Variants in DYNC2H1 observed in about 807,000 individuals in gnomAD.
DYNC2H1 encodes the protein cytoplasmic dynein 2 heavy chain 1.
A neutral mutation model predicts 570.0 loss-of-function variants in DYNC2H1; 410 were observed. The ratio of observed to expected loss-of-function variants is 0.72; its 90% CI spans 0.66 to 0.78. DYNC2H1 has a LOEUF of 0.78. Ranked by LOEUF, DYNC2H1 falls within the 30% of genes least tolerant of loss-of-function variation. The pLI is 0.00. For missense variants in DYNC2H1, 4,865 were observed against 5,046.4 expected, an observed-to-expected ratio of 0.96 and a Z score of 1.09; for synonymous variants, 1,688 against 1,677.6, an observed-to-expected ratio of 1.01 and a Z score of -0.15.
intron 82 of DYNC2H1, among the ~76,000 whole-genome samples, chr11:103,349,671 C>T (rs747686844): frequency 8.5e-5 from 13 of 152,128 alleles, no homozygotes; most frequent in Non-Finnish European, 1.6e-4. Context: ...AATAAATACA[C>T]TTCGGTGACA....
chr11:103,406,285 G>C (rs990147068), intron 84 of DYNC2H1: 5 of 152,054 alleles, frequency 3.3e-5, no homozygotes, highest in African/African-American at 9.6e-5. Flanking sequence ...AGGAGGAGGA[G>C]TATGAGTTTT....
In DYNC2H1 at chr11:103,235,655, C is replaced by T. The variant is rs1864190751; in HGVS notation, c.9568-17C>T. The stretch of plus-strand genomic sequence containing the variant: ...ATACTCATATATCTCCCTCTTTCTT[C>T]TCTCTCTTTTTTCCAGGTTGTAGAG... On this transcript the variant is annotated splice_polypyrimidine_tract_variant and intron_variant, in intron 61 of 88. Transcript: ENST00000375735. 3 of 1,595,268 alleles carry T rather than the reference C, an allele frequency of 1.9e-6. No individual in the cohort carries two copies. The African/African-American group carries it at 4.0e-5, about 21-fold the overall frequency.
In DYNC2H1 at chr11:103,303,235, C is replaced by G. The variant is rs78599571; in HGVS notation, c.11238C>G (p.Ser3746Arg). ...ELQELANAER[S>R]GECYHQVAMG... Reference sequence around the variant, plus strand: ...AAGAACTAGCTAATGCTGAAAGAAGCGGAGAGTGTTATCACCAGGTAAGTA... The same window carrying G: ...AAGAACTAGCTAATGCTGAAAGAAGGGGAGAGTGTTATCACCAGGTAAGTA... The change falls in exon 76 of 89, where the codon AGC (serine) becomes AGG (arginine). Residue 3746 changes from serine (S) to arginine (R), a missense_variant. Around this residue, in one of 5 missense-constraint regions of DYNC2H1, gnomAD observed 2,401 missense variants for 2,454.6 expected, o/e 0.98. Coordinates refer to ENST00000375735, the MANE Select transcript of DYNC2H1 (RefSeq NM_001377.3). 2 of 1,611,832 alleles carry G rather than the reference C, an allele frequency of 1.2e-6. No individual in the cohort carries two copies. Among genetic ancestry groups the G allele is most frequent in the South Asian group, 2.2e-5 (2 of 90,900 alleles).
chr11:103,459,308 CAAAAAAA>C (rs33941099), intron 87 of DYNC2H1, among the ~76,000 whole-genome samples: 11 of 52,430 alleles, frequency 2.1e-4, no homozygotes, highest in South Asian at 1.2e-3. Context: ...GACTCCGTCT[CAAAAAAA>C]AAAAAAAAAA....
Position 103,453,615 on chromosome 11 carries a change from C to CATATATATATATATATATATATAT in DYNC2H1, c.12457-1567_12457-1544dup, listed in dbSNP as rs66628059. ...TGATTATCAGCCATGTTAGTTTAGA[C>CATATATATATATATATATATATAT]ATATATATATATATATATATATATA... On this transcript the variant is annotated intron_variant, in intron 85 of 88. Coordinates refer to ENST00000375735, the MANE Select transcript of DYNC2H1 (RefSeq NM_001377.3). Among the ~76,000 whole-genome samples, 158 of 136,562 alleles carry CATATATATATATATATATATATAT rather than the reference C, an allele frequency of 1.2e-3. 1 individual carries two copies. Among genetic ancestry groups the CATATATATATATATATATATATAT allele is most frequent in the African/African-American group, 4.3e-3 (150 of 34,798 alleles). 89.6% of individuals were successfully genotyped at this position (136,562 alleles called of 152,430 possible).
rs549868227 is a variant in DYNC2H1 at position 103,375,231 on chromosome 11, C to T, written c.12156+16872C>T. Among the ~76,000 whole-genome samples, 8 of 152,300 alleles carry T rather than the reference C, an allele frequency of 5.3e-5. No homozygotes were observed. In the East Asian group the frequency reaches 1.5e-3, roughly 29 times the overall value. ...AGAATTGAGGTTTGGAGACCTCTGC[C>T]TAGATTTCAGAGGGTGTATGGTAAT... On this transcript the variant is annotated intron_variant, in intron 83 of 88. Coordinates refer to ENST00000375735, the MANE Select transcript of DYNC2H1 (RefSeq NM_001377.3).
rs1322453465 is a variant in DYNC2H1 at position 103,231,346 on chromosome 11, AG to A, written c.9440+1del. 1 of 1,587,568 alleles carries A rather than the reference AG, an allele frequency of 6.3e-7. No homozygotes were observed. Among genetic ancestry groups the A allele is most frequent in the Admixed American group, 1.7e-5 (1 of 57,520 alleles). ...CAAAAGGTATCAGAACTCAAAGAAA[AG>A]TAAGTTATATTTTGAAGTGTATTTT... On this transcript the variant is annotated splice_donor_variant, in intron 60 of 88. Transcript: ENST00000375735. LOFTEE classifies it high-confidence loss of function.
At chr11:103,272,321 G>A (rs1214922029) in intron 70 of DYNC2H1, among the ~76,000 whole-genome samples, 1 of 151,964 alleles carries the variant, frequency 6.6e-6, no homozygotes, top group Non-Finnish European at 1.5e-5. Context: ...ACTATCGCAG[G>A]GACAAAAAAC....
At position 103,179,026 on chromosome 11, in the gene DYNC2H1, A is replaced by AT; in HGVS notation, c.6141dup (p.Val2048CysfsTer8). 1 of 1,602,610 alleles carries AT rather than the reference A, an allele frequency of 6.2e-7. No individual in the cohort carries two copies. Among genetic ancestry groups the AT allele is most frequent in the Non-Finnish European group, 8.5e-7 (1 of 1,172,094 alleles). Reference sequence around the variant, plus strand: ...CTCCACTGTTTTGATTTGAAAATAGATGTCAGCTCATGGATAATCTGTGAT... The same window carrying AT: ...CTCCACTGTTTTGATTTGAAAATAGATTGTCAGCTCATGGATAATCTGTGAT... On this transcript the variant is annotated frameshift_variant and splice_region_variant, in exon 39 of 89. Coordinates refer to ENST00000375735, the MANE Select transcript of DYNC2H1 (RefSeq NM_001377.3). LOFTEE classifies it high-confidence loss of function.
chr11:103,281,950 G>C (rs1866155111), intron 71 of DYNC2H1, among the ~76,000 whole-genome samples: 1 of 151,834 alleles, frequency 6.6e-6, no homozygotes, highest in African/African-American at 2.4e-5. Context: ...ATATATAATG[G>C]AGTTGTTTTG....
Position 103,126,155 on chromosome 11 carries a change from T to A in DYNC2H1, c.1857+860T>A, listed in dbSNP as rs187616994. ...TTTTATTCAACAAGGATTCATTGAA[T>A]ATCTACCCTGTCAGGCATAGCATAG... On this transcript the variant is annotated intron_variant, in intron 12 of 88. Coordinates refer to ENST00000375735, the MANE Select transcript of DYNC2H1 (RefSeq NM_001377.3). 2.6e-5 allele frequency among the ~76,000 whole-genome samples: 4 copies of A among 152,366 alleles called. No homozygotes were observed. The East Asian group carries it at 7.7e-4, about 29-fold the overall frequency.
chr11:103,320,947 AC>A, intron 80 of DYNC2H1, 81 bp from the exon 81 acceptor site: 1 of 1,021,344 alleles, frequency 9.8e-7, no homozygotes, highest in South Asian at 1.7e-5. Flanking sequence ...ACATTTGGCT[AC>A]ATGTTATAAA....
chr11:103,470,324 T>C (rs989233858), intron 88 of DYNC2H1, among the ~76,000 whole-genome samples: 12 of 152,184 alleles, frequency 7.9e-5, no homozygotes, highest in Non-Finnish European at 1.3e-4. Flanking sequence ...AAAAAGCTAA[T>C]TTAATTTGAA....
At chr11:103,200,795 C>T (rs891062753) in intron 50 of DYNC2H1, among the ~76,000 whole-genome samples, 5 of 152,084 alleles carry the variant, frequency 3.3e-5, no homozygotes, top group African/African-American at 1.2e-4. Flanking sequence ...TATTACAAAT[C>T]AAGTAATAAG....
At chr11:103,135,263 A>G (rs946608054) in intron 15 of DYNC2H1, among the ~76,000 whole-genome samples, 10 of 152,104 alleles carry the variant, frequency 6.6e-5, no homozygotes, top group Non-Finnish European at 1.3e-4. Context: ...TGGTTTTTAA[A>G]TTTTGCTGAT....
intron 54 of DYNC2H1, 70 bp from the exon 55 acceptor site, chr11:103,215,651 A>G: frequency 1.5e-6 from 2 of 1,332,832 alleles, no homozygotes; most frequent in Non-Finnish European, 1.9e-6. Flanking sequence ...TCTTTTCTAT[A>G]GGGCTTTATT....
chr11:103,416,880 A>G (rs150426640), intron 84 of DYNC2H1, among the ~76,000 whole-genome samples: 8,037 of 152,310 alleles, frequency 0.053, 266 homozygotes, highest in Non-Finnish European at 0.076. Context: ...CAATCTACCC[A>G]TCTGACAAAA....
intron 82 of DYNC2H1, among the ~76,000 whole-genome samples, chr11:103,347,263 A>G (rs1421810366): frequency 6.6e-6 from 1 of 152,192 alleles, no homozygotes; most frequent in East Asian, 1.9e-4. Context: ...AATAAGACTT[A>G]TAATACATAA....
chr11:103,133,591 A>G lies in DYNC2H1; in HGVS notation c.1990A>G (p.Thr664Ala). Residue 664 changes from threonine (T) to alanine (A), a missense_variant, in exon 14 of 89, where the codon ACT (threonine) becomes GCT (alanine). Thr to Ala is a moderately conservative substitution (Grantham distance 58). Coordinates refer to ENST00000375735, the MANE Select transcript of DYNC2H1 (RefSeq NM_001377.3). This position sits in a 1 kb window ranked among gnomAD's most constrained non-coding sequence, Gnocchi z 4.8. ...KAGSGGKSQITWDNPKELEGY... is the reference protein window; with the variant it reads ...KAGSGGKSQIAWDNPKELEGY... The stretch of plus-strand genomic sequence containing the variant: ...AGGAAGTGGAGGGAAATCACAGATA[A>G]CTTGGGATAATCCTAAAGAATTAGA... The G allele has an allele frequency of 6.2e-7, 1 of 1,611,148 alleles. No individual in the cohort carries two copies. The highest frequency in any genetic ancestry group is 1.1e-5 in the South Asian group (1 of 89,772).
Sources: allele counts gnomAD v4.1 joint callset (sites outside exome capture counted in the v4.1 genomes callset), GRCh38; gene constraint gnomAD v4.1.1; regional missense constraint gnomAD v4.1.1; non-coding constraint Gnocchi (gnomAD v3.1); transcripts MANE v1.5; gene names NCBI Gene and HGNC (gene_info 2026-07-23, HGNC 2026-07-21).